Variants in TMEM40 observed in about 807,000 individuals in gnomAD.
The protein encoded by TMEM40 is transmembrane protein 40.
TMEM40 carries 34 observed loss-of-function variants against 40.8 expected under a neutral mutation model. That is an observed-to-expected ratio of 0.83 (90% CI 0.63 to 1.11). The LOEUF is 1.11. Among genes scored for constraint, TMEM40 ranks in the 50% least tolerant of loss-of-function variants. TMEM40 has a pLI of 0.00. For missense variants in TMEM40, 296 were observed against 280.2 expected, an observed-to-expected ratio of 1.06 and a Z score of -0.40; for synonymous variants, 106 against 107.0, an observed-to-expected ratio of 0.99 and a Z score of 0.06.
At chr3:12,764,101 C>T (rs1219334152), upstream of TMEM40, among the ~76,000 whole-genome samples, 4 of 151,678 alleles carry the variant, frequency 2.6e-5, no homozygotes, top group African/African-American at 7.3e-5. Context: ...TTAGTAGAGA[C>T]GGGGGTCTCA....
intron 4 of TMEM40, among the ~76,000 whole-genome samples, chr3:12,742,923 T>G (rs2061395140): frequency 6.6e-6 from 1 of 152,192 alleles, no homozygotes; most frequent in Non-Finnish European, 1.5e-5. Context: ...TAAATTATTT[T>G]CCCAAAGTCA....
At chr3:12,760,691 C>T (rs112181806), upstream of TMEM40, among the ~76,000 whole-genome samples, 6,230 of 152,172 alleles carry the variant, frequency 0.041, 154 homozygotes, top group Middle Eastern at 0.065. Flanking sequence ...TTTCTCATTA[C>T]GTATTGCTTT....
chr3:12,762,335 A>AT (rs112792413), upstream of TMEM40, among the ~76,000 whole-genome samples: 17 of 152,258 alleles, frequency 1.1e-4, 1 homozygote, highest in Non-Finnish European at 2.2e-4. Flanking sequence ...GTTACTGAAA[A>AT]TTTTTTTAAA....
chr3:12,765,561 G>A (rs1352749988), intron 1 of TMEM40, among the ~76,000 whole-genome samples: 2 of 139,976 alleles, frequency 1.4e-5, no homozygotes, highest in Non-Finnish European at 3.0e-5. Context: ...ATGGCTGTTT[G>A]ATTACTTTTT....
intron 1 of TMEM40, among the ~76,000 whole-genome samples, chr3:12,756,879 C>T (rs2061532840): frequency 6.6e-6 from 1 of 151,954 alleles, no homozygotes; most frequent in South Asian, 2.1e-4. Flanking sequence ...CACACACACA[C>T]ATACACACAC....
At chr3:12,762,184 G>C (rs2061571834), upstream of TMEM40, among the ~76,000 whole-genome samples, 1 of 152,048 alleles carries the variant, frequency 6.6e-6, no homozygotes, top group Non-Finnish European at 1.5e-5. Context: ...TGCCCAGGCT[G>C]GTCTTGAACT....
intron 8 of TMEM40, 64 bp downstream of exon 8, chr3:12,737,643 G>C (rs1287185521): frequency 6.0e-6 from 9 of 1,505,210 alleles, no homozygotes; most frequent in Non-Finnish European, 7.4e-6. Flanking sequence ...GCCACCAGCT[G>C]CATTTCACCC....
chr3:12,745,205 G>A (rs112426934), intron 3 of TMEM40, among the ~76,000 whole-genome samples: 11,341 of 149,546 alleles, frequency 0.076, 1,198 homozygotes, highest in African/African-American at 0.23. Flanking sequence ...GATTACAGGC[G>A]TGCACCACCA....
chr3:12,764,908 AT>A (rs1210029770), intron 1 of TMEM40, among the ~76,000 whole-genome samples: 1 of 151,936 alleles, frequency 6.6e-6, no homozygotes, highest in Non-Finnish European at 1.5e-5. Context: ...GTCTCACTCT[AT>A]TGCCCAGGGT....
At chr3:12,759,956 C>A (rs2061557413), upstream of TMEM40, among the ~76,000 whole-genome samples, 1 of 128,248 alleles carries the variant, frequency 7.8e-6, no homozygotes, top group African/African-American at 3.0e-5. Context: ...CCACGGGAGC[C>A]CCCAGCCTTG....
rs187169382 is a variant in TMEM40 at position 12,741,558 on chromosome 3, C to T, written c.355+896G>A. 3.4e-3 allele frequency among the ~76,000 whole-genome samples: 518 copies of T among 152,218 alleles called. 3 individuals carry two copies. Among genetic ancestry groups the T allele is most frequent in the Middle Eastern group, 0.01 (3 of 294 alleles). ...CTCAAGCAATGTAATTTACCAAGCA[C>T]CTCCAATGTCTGGGGGAAGGAAGTA... On this transcript the variant is annotated intron_variant, in intron 5 of 11. Coordinates refer to ENST00000314124, the MANE Select transcript of TMEM40 (RefSeq NM_018306.4).
At chr3:12,736,506 T>C in intron 10 of TMEM40, 72 bp downstream of exon 10, 2 of 1,516,192 alleles carry the variant, frequency 1.3e-6, no homozygotes, top group African/African-American at 1.4e-5. Flanking sequence ...TGAATGAGTA[T>C]GAAAATGAAT....
intron 8 of TMEM40, chr3:12,737,479 A>G (rs755748674): frequency 3.7e-5 from 22 of 593,434 alleles, no homozygotes; most frequent in Non-Finnish European, 6.2e-5. Context: ...CACTCCACTC[A>G]CAAGCTGTAA....
At chr3:12,751,502 A>T (rs2061475990) in intron 1 of TMEM40, among the ~76,000 whole-genome samples, 1 of 149,936 alleles carries the variant, frequency 6.7e-6, no homozygotes, top group Non-Finnish European at 1.5e-5. Context: ...CTGGTCTCGA[A>T]CTCCTGACCT....
In TMEM40 at chr3:12,755,233, CTCTTTCTT is replaced by C. The variant is rs749104547; in HGVS notation, c.-9+3950_-9+3957del. 9.4e-3 allele frequency among the ~76,000 whole-genome samples: 564 copies of C among 59,924 alleles called. 12 individuals carry two copies. The highest frequency in any genetic ancestry group is 0.042 in the South Asian group (85 of 2,020). 39.3% of individuals were successfully genotyped at this position (59,924 alleles called of 152,430 possible). A position where few individuals can be genotyped will look rare whatever the true frequency, so the allele number is the denominator to read the frequency against. On this transcript the variant is annotated intron_variant, in intron 1 of 11. Coordinates refer to ENST00000314124, the MANE Select transcript of TMEM40 (RefSeq NM_018306.4). ...TTTCTTTCTCTCTCTCTCTCTCTCT[CTCTTTCTT>C]TCTTTCTTTCTTTCTTTCTTTCTTT...
At chr3:12,744,646 C>T (rs187834805) in intron 3 of TMEM40, among the ~76,000 whole-genome samples, 2 of 152,306 alleles carry the variant, frequency 1.3e-5, no homozygotes, top group Non-Finnish European at 2.9e-5. Flanking sequence ...GGAACAGGAG[C>T]TTGATCAAGA....
At chr3:12,739,409 C>T (rs1363822983) in intron 5 of TMEM40, among the ~76,000 whole-genome samples, 1 of 151,788 alleles carries the variant, frequency 6.6e-6, no homozygotes, top group Non-Finnish European at 1.5e-5. Flanking sequence ...CTCAGCCTCA[C>T]GAGTAGCTGG....
At chr3:12,768,222 G>C (rs1259183410) in intron 1 of TMEM40, among the ~76,000 whole-genome samples, 1 of 152,122 alleles carries the variant, frequency 6.6e-6, no homozygotes, top group African/African-American at 2.4e-5. Context: ...GTCTATGCTG[G>C]CCTCAGAAGT....
rs182985629 is a variant in TMEM40, at chr3:12,744,280, A to C, written c.212-291T>G. 1.5e-3 allele frequency among the ~76,000 whole-genome samples: 222 copies of C among 152,300 alleles called. 1 individual carries two copies. The highest frequency in any genetic ancestry group is 6.8e-3 in the Middle Eastern group (2 of 294). ...AAGATAAGGTCCCATGAGGCATCAT[A>C]GTACTGAGATGGCTTCCATCCCACC... is the stretch of plus-strand genomic sequence containing the variant. On this transcript the variant is annotated intron_variant, in intron 3 of 11. Coordinates refer to ENST00000314124, the MANE Select transcript of TMEM40 (RefSeq NM_018306.4).
Sources: gnomAD v4.1 joint callset for allele counts (sites outside exome capture counted in the v4.1 genomes callset) on GRCh38, gnomAD v4.1.1 for gene constraint, MANE v1.5 for transcripts, NCBI Gene and HGNC (gene_info 2026-07-23, HGNC 2026-07-21) for gene names.